The following TMEM9B variants were observed in gnomAD, a reference collection of about 807,000 sequenced individuals.
TMEM9B encodes the protein TMEM9 domain family member B.
In TMEM9B, 8 loss-of-function variants were observed where a neutral mutation model predicts 23.5. That is an observed-to-expected ratio of 0.34 (90% CI 0.20 to 0.61). The LOEUF (loss-of-function observed/expected upper bound fraction) is 0.61, where lower values mean the gene tolerates loss of function less well. Ranked by LOEUF, TMEM9B falls within the 20% of genes least tolerant of loss-of-function variation. TMEM9B has a pLI of 0.78. For synonymous variants in TMEM9B, 106 were observed against 96.3 expected, an observed-to-expected ratio of 1.10 and a Z score of -0.59; for missense variants, 197 against 252.3, an observed-to-expected ratio of 0.78 and a Z score of 1.49.
Position 8,964,350 on chromosome 11 carries a change from C to T in TMEM9B, c.-37G>A, listed in dbSNP as rs997931684. The stretch of plus-strand genomic sequence containing the variant: ...CAGCGGTCCCACAGCCCGGAGCCCC[C>T]GCGACCGGCTCCCGGCTCGGGCTCA... On this transcript the variant is annotated 5_prime_UTR_variant, in exon 1 of 5. Transcript: ENST00000534025. The T allele has an allele frequency of 1.3e-6, 2 of 1,540,986 alleles. No individual in the cohort carries two copies. Among genetic ancestry groups the T allele is most frequent in the South Asian group, 1.2e-5 (1 of 82,698 alleles).
At chr11:8,964,070 G>A in intron 1 of TMEM9B, 139 bp downstream of exon 1, 1 of 833,246 alleles carries the variant, frequency 1.2e-6, no homozygotes, top group South Asian at 1.9e-5. Context: ...GGCTGGTGGC[G>A]GCGGGGGTCT....
intron 1 of TMEM9B, among the ~76,000 whole-genome samples, chr11:8,963,712 G>A (rs1001352389): frequency 6.6e-6 from 1 of 152,220 alleles, no homozygotes; most frequent in African/African-American, 2.4e-5. Context: ...ACCACAGGAA[G>A]GGAAGTGTTC....
At chr11:8,954,646 T>C (rs753720503) in intron 3 of TMEM9B, among the ~76,000 whole-genome samples, 1 of 152,230 alleles carries the variant, frequency 6.6e-6, no homozygotes, top group South Asian at 2.1e-4. Flanking sequence ...TGTATACTTA[T>C]AGTGAGTGAC....
chr11:8,954,475 G>T (rs1853938980), intron 3 of TMEM9B, among the ~76,000 whole-genome samples: 1 of 152,070 alleles, frequency 6.6e-6, no homozygotes, highest in Non-Finnish European at 1.5e-5. Context: ...TTTTAGTAGA[G>T]ATGGGGTTTC....
At chr11:8,956,356 A>G in intron 2 of TMEM9B, 58 bp from the exon 3 acceptor site, 2 of 1,423,886 alleles carry the variant, frequency 1.4e-6, no homozygotes, top group Non-Finnish European at 1.9e-6. Context: ...GCTTGCTCTG[A>G]CCAAAAGTTT....
At position 8,948,293 on chromosome 11, in the gene TMEM9B, T is replaced by C. The variant is rs779784170; in HGVS notation, c.*27A>G. 1 of 1,605,158 alleles carries C rather than the reference T, an allele frequency of 6.2e-7. No individual in the cohort carries two copies. Among genetic ancestry groups the C allele is most frequent in the East Asian group, 2.2e-5 (1 of 44,648 alleles). On this transcript the variant is annotated 3_prime_UTR_variant, in exon 5 of 5. Transcript: ENST00000534025. The stretch of plus-strand genomic sequence containing the variant: ...CTTTCCAGTTGTCTGCCTGTTTCTT[T>C]CTAGTCACCTTGAATTCAATTCCCA...
chr11:8,958,568 GTTA>G, intron 2 of TMEM9B, among the ~76,000 whole-genome samples: 1 of 109,316 alleles, frequency 9.1e-6, no homozygotes, highest in Non-Finnish European at 1.9e-5. Context: ...AAGTTGTTAG[GTTA>G]TTCTTTTTTT....
At chr11:8,962,526 T>C (rs1316906319) in intron 1 of TMEM9B, among the ~76,000 whole-genome samples, 1 of 152,210 alleles carries the variant, frequency 6.6e-6, no homozygotes, top group African/African-American at 2.4e-5. Context: ...GTTGTGCCTG[T>C]AAATAAGAAT....
intron 4 of TMEM9B, among the ~76,000 whole-genome samples, chr11:8,950,188 A>C (rs1359221604): frequency 6.6e-6 from 1 of 152,180 alleles, no homozygotes; most frequent in East Asian, 1.9e-4. Context: ...TTGATTTTCC[A>C]TTATGGCAAT....
At chr11:8,952,198 TAAAAC>T (rs1326063053) in intron 4 of TMEM9B, among the ~76,000 whole-genome samples, 2 of 149,074 alleles carry the variant, frequency 1.3e-5, no homozygotes, top group Non-Finnish European at 3.0e-5. Context: ...AAACGAATAT[TAAAAC>T]AAAAAGGAGA....
At chr11:8,955,190 A>C (rs182299076) in intron 3 of TMEM9B, among the ~76,000 whole-genome samples, 86 of 151,630 alleles carry the variant, frequency 5.7e-4, no homozygotes, top group Non-Finnish European at 4.9e-4. Context: ...ATTAGCCACT[A>C]TAATAAAGTA....
At chr11:8,955,066 G>A (rs545188073) in intron 3 of TMEM9B, among the ~76,000 whole-genome samples, 4 of 151,588 alleles carry the variant, frequency 2.6e-5, no homozygotes, top group African/African-American at 9.7e-5. Flanking sequence ...CAGGAGAATC[G>A]CTTGGACCCA....
At chr11:8,964,004 C>T in intron 1 of TMEM9B, 1 of 572,176 alleles carries the variant, frequency 1.7e-6, no homozygotes, top group Non-Finnish European at 3.0e-6. Context: ...GGGGCGCTGC[C>T]TGCCAGGCTG....
intron 4 of TMEM9B, among the ~76,000 whole-genome samples, chr11:8,952,337 T>TGTGA (rs1249905826): frequency 6.6e-6 from 1 of 150,540 alleles, no homozygotes; most frequent in Admixed American, 6.6e-5. Flanking sequence ...TGTGTGTGTG[T>TGTGA]GAGAGATTTA....
At chr11:8,963,812 T>C (rs1705259747) in intron 1 of TMEM9B, among the ~76,000 whole-genome samples, 1 of 151,356 alleles carries the variant, frequency 6.6e-6, no homozygotes, top group African/African-American at 2.4e-5. Flanking sequence ...ATGCGGGGCC[T>C]GTGAGGCTGG....
At position 8,957,014 on chromosome 11, in the gene TMEM9B, C is replaced by G. The variant is rs1650016226; in HGVS notation, c.198-716G>C. On this transcript the variant is annotated intron_variant, in intron 2 of 4. Transcript: ENST00000534025. The surrounding 1 kb of genome is among the most constrained non-coding windows in gnomAD (Gnocchi z 4.3). ...GGATTACAGGTGTGAGCCACCGTGC[C>G]CAGCCAACATCATTCTTAACTGCCA... Among the ~76,000 whole-genome samples, 1 of 152,142 alleles carries G rather than the reference C, an allele frequency of 6.6e-6. No homozygotes were observed. The highest frequency in any genetic ancestry group is 1.5e-5 in the Non-Finnish European group (1 of 68,026).
At chr11:8,954,343 G>A (rs907535248) in intron 3 of TMEM9B, among the ~76,000 whole-genome samples, 2 of 151,782 alleles carry the variant, frequency 1.3e-5, no homozygotes, top group Admixed American at 6.6e-5. Flanking sequence ...TCACTGGAGT[G>A]CAGTGGCACG....
upstream of TMEM9B, chr11:8,964,629 G>A: frequency 2.3e-6 from 1 of 433,020 alleles, no homozygotes; most frequent in South Asian, 4.4e-5. Flanking sequence ...GCATCTCTTG[G>A]ATATCTTTCC....
upstream of TMEM9B, chr11:8,964,728 C>T (rs1385978716): frequency 1.7e-5 from 3 of 178,742 alleles, no homozygotes; most frequent in African/African-American, 2.4e-5. Context: ...CCGAGTGTCA[C>T]ACAGTCGCCT....
Sources: allele counts gnomAD v4.1 joint callset (sites outside exome capture counted in the v4.1 genomes callset), GRCh38; gene constraint gnomAD v4.1.1; non-coding constraint Gnocchi (gnomAD v3.1); transcripts MANE v1.5; gene names NCBI Gene and HGNC (gene_info 2026-07-23, HGNC 2026-07-21).